The following F5 variants were observed in gnomAD, a reference collection of about 807,000 sequenced individuals.
The protein encoded by F5 is activated protein c cofactor.
F5 carries 138 observed loss-of-function variants against 216.4 expected under a neutral mutation model. The ratio of observed to expected loss-of-function variants is 0.64; its 90% confidence interval spans 0.56 to 0.73. The LOEUF (loss-of-function observed/expected upper bound fraction) is 0.73. F5 is among the 30% of genes least tolerant of loss of function. The probability of loss-of-function intolerance (pLI) is 0.00; values close to 1 mark genes in which losing one functional copy is unlikely to be tolerated. For missense variants in F5, 2,403 were observed against 2,674.0 expected, an observed-to-expected ratio of 0.90 and a Z score of 2.24; for synonymous variants, 916 against 930.7, an observed-to-expected ratio of 0.98 and a Z score of 0.29.
intron 2 of F5, among the ~76,000 whole-genome samples, chr1:169,577,578 T>TATATATATAC (rs1557933701): frequency 9.5e-6 from 1 of 105,386 alleles, no homozygotes; most frequent in African/African-American, 4.2e-5. Flanking sequence ...TATATATATA[T>TATATATATAC]ATATATATAT....
Position 169,520,626 on chromosome 1 carries a change from C to A in F5, c.6087G>T (p.Glu2029Asp), listed in dbSNP as rs549481773. Residue 2029 changes from glutamate (E) to aspartate (D), a missense_variant, in exon 22 of 25, where the codon GAG becomes GAT. By Grantham distance (45) the Glu-to-Asp change is conservative. Around this residue, in one of 4 missense-constraint regions of F5, gnomAD observed 659 missense variants for 787.9 expected, o/e 0.84. Transcript: ENST00000367797. ...CCACAATAGGTGGGTCAAACTGATT[C>A]TCTTTTATTGTAGAGGCATCTGAAT... ...NGNSDASTIK[E>D]NQFDPPIVAR... is the part of the protein sequence containing the mutation. The A allele has an allele frequency of 8.7e-6, 14 of 1,613,860 alleles. 1 individual carries two copies. The South Asian group carries it at 9.9e-5, about 11-fold the overall frequency.
chr1:169,529,140 G>A (rs1344828414), intron 16 of F5, among the ~76,000 whole-genome samples: 1 of 152,026 alleles, frequency 6.6e-6, no homozygotes, highest in Non-Finnish European at 1.5e-5. Context: ...ATCTCATTTT[G>A]TTCTCATATG....
intron 24 of F5, among the ~76,000 whole-genome samples, chr1:169,515,014 C>T (rs1296185750): frequency 6.6e-6 from 1 of 152,100 alleles, no homozygotes. Context: ...AACGTAAGTG[C>T]ATAGTAAGTG....
chr1:169,562,302 G>C (rs1364361544), intron 3 of F5, among the ~76,000 whole-genome samples: 2 of 152,006 alleles, frequency 1.3e-5, no homozygotes, highest in African/African-American at 4.8e-5. Context: ...TTTTGTGTTG[G>C]ATTAGTGTTA....
intron 3 of F5, among the ~76,000 whole-genome samples, chr1:169,567,432 G>A (rs908771753): frequency 6.6e-6 from 1 of 151,874 alleles, no homozygotes; most frequent in Admixed American, 6.6e-5. Context: ...TCACACTGGA[G>A]GTTAGATTTC....
At chr1:169,560,437 T>C (rs780776901) in intron 4 of F5, 117 bp downstream of exon 4, 32 of 934,062 alleles carry the variant, frequency 3.4e-5, no homozygotes, top group Admixed American at 1.2e-4. Context: ...CTCCGTGCCG[T>C]CTTCCTCTGC....
intron 2 of F5, among the ~76,000 whole-genome samples, chr1:169,579,922 A>T (rs1660951823): frequency 6.6e-6 from 1 of 152,046 alleles, no homozygotes; most frequent in Non-Finnish European, 1.5e-5. Flanking sequence ...ATTCCTCTCA[A>T]TATAAAGCCT....
Position 169,540,352 on chromosome 1 carries a change from T to C in F5, c.4738A>G (p.Arg1580Gly). ...WYLRSNNGNRRNYYIAAEEIS... is the reference protein window; with the variant it reads ...WYLRSNNGNRGNYYIAAEEIS... Reference sequence around the variant, plus strand: ...TCTTCAGCAGCAATGTAATAATTTCTTCTGTTTCCATTGTTGCTGCGGAGG... The same window carrying C: ...TCTTCAGCAGCAATGTAATAATTTCCTCTGTTTCCATTGTTGCTGCGGAGG... The change falls in exon 13 of 25, where the codon AGA becomes GGA. Residue 1580 changes from arginine to glycine, a missense_variant. This residue lies in a region of F5 where 659 missense variants were observed against 787.9 expected (regional missense o/e 0.84). Transcript: ENST00000367797. 1 of 1,614,010 alleles carries C rather than the reference T, an allele frequency of 6.2e-7. No individual in the cohort carries two copies.
chr1:169,550,544 G>A, intron 9 of F5, 96 bp downstream of exon 9: 1 of 869,150 alleles, frequency 1.2e-6, no homozygotes, highest in Non-Finnish European at 2.0e-6. Flanking sequence ...CTACCTGACT[G>A]CAGTAGTGAC....
chr1:169,563,160 G>A (rs903653194), intron 3 of F5, among the ~76,000 whole-genome samples: 1 of 152,044 alleles, frequency 6.6e-6, no homozygotes, highest in Admixed American at 6.6e-5. Context: ...GTCTTCTGGT[G>A]TGCATAGTTT....
rs1659865127 is a variant in F5 at position 169,541,986 on chromosome 1, T to G, written c.3104A>C (p.Glu1035Ala). 4 of 1,614,078 alleles carry G rather than the reference T, an allele frequency of 2.5e-6. No individual in the cohort carries two copies. The highest frequency in any genetic ancestry group is 3.4e-6 in the Non-Finnish European group (4 of 1,179,988). ...FLIKTRKKKK[E>A]KHTHHAPLSP... is the part of the protein sequence containing the mutation. ...TAAAGGAGCATGGTGTGTGTGCTTC[T>G]CTTTTTTCTTTTTTCGTGTCTTAAT... is the stretch of plus-strand genomic sequence containing the variant. Residue 1035 changes from glutamate (E) to alanine (A), a missense_variant, in exon 13 of 25, where the codon GAG becomes GCG. By Grantham distance (107) the Glu-to-Ala change is moderately radical. This residue lies in a region of F5 where 1,425 missense variants were observed against 1,554.8 expected (regional missense o/e 0.92). Transcript: ENST00000367797.
intron 21 of F5, among the ~76,000 whole-genome samples, chr1:169,521,831 G>A (rs1199368698): frequency 4.0e-5 from 6 of 151,814 alleles, no homozygotes. Context: ...ATGTTGGTCA[G>A]GATGGTCTTG....
rs374687606 is a variant in F5, at chr1:169,541,258, G to C, written c.3832C>G (p.Pro1278Ala). ...GAAAGGGTTGTATGGCTGAGGTCTG[G>C]AGAAAGGGGCATCTGACCGAGGGCT... ...SPALGQMPLSPDLSHTTLSLD... is the reference protein window; with the variant it reads ...SPALGQMPLSADLSHTTLSLD... Residue 1278 changes from proline (P) to alanine (A), a missense_variant, in exon 13 of 25, where the codon CCA (proline) becomes GCA (alanine). Pro to Ala is a conservative substitution (Grantham distance 27, BLOSUM62 -1). Around this residue, in one of 4 missense-constraint regions of F5, gnomAD observed 1,425 missense variants for 1,554.8 expected, o/e 0.92. Transcript: ENST00000367797. 5.8e-6 allele frequency: 9 copies of C among 1,541,236 alleles called. No individual in the cohort carries two copies. In the African/African-American group the frequency reaches 1.1e-4, roughly 19 times the overall value.
chr1:169,530,666 T>C (rs1043953682), intron 15 of F5, 120 bp downstream of exon 15: 8 of 879,810 alleles, frequency 9.1e-6, no homozygotes, highest in Non-Finnish European at 1.3e-5. Context: ...CACACCCTTA[T>C]GCATTCCTCA....
chr1:169,566,750 A>T (rs1660610793), intron 3 of F5, among the ~76,000 whole-genome samples: 1 of 151,936 alleles, frequency 6.6e-6, no homozygotes, highest in Non-Finnish European at 1.5e-5. Flanking sequence ...ATCCTTTTTG[A>T]TGGGTTATGA....
chr1:169,526,891 G>A (rs1338283902), intron 17 of F5, among the ~76,000 whole-genome samples: 1 of 150,786 alleles, frequency 6.6e-6, no homozygotes, highest in Non-Finnish European at 1.5e-5. Context: ...TAATTAATAT[G>A]ATATTAATAT....
chr1:169,518,679 C>G lies in F5; in HGVS notation c.6194-116G>C, dbSNP rs996423716. 1.1e-5 allele frequency: 12 copies of G among 1,140,240 alleles called. 1 individual carries two copies. In the African/African-American group the frequency reaches 1.8e-4, roughly 17 times the overall value. The allele number at this position is 1,140,240 out of a possible 1,614,324, so 70.6% of individuals were successfully genotyped here. On this transcript the variant is annotated intron_variant, in intron 22 of 24. Transcript: ENST00000367797. ...ACCAACAAATGACAAAAACAATAAC[C>G]ACAACAATGAAGATTTATTGAATCC... is the stretch of plus-strand genomic sequence containing the variant.
Position 169,513,270 on chromosome 1 carries a change from A to T in F5, c.*1043T>A, listed in dbSNP as rs991084730. 2.0e-5 allele frequency among the ~76,000 whole-genome samples: 3 copies of T among 152,032 alleles called. No individual in the cohort carries two copies. Among genetic ancestry groups the T allele is most frequent in the Non-Finnish European group, 4.4e-5 (3 of 67,970 alleles). On this transcript the variant is annotated 3_prime_UTR_variant, in exon 25 of 25. Transcript: ENST00000367797. ...ATAAATTTTTTTTGGTTGCTCTTTT[A>T]ACACTAAGTTTTGGGGTGGTTTATT...
chr1:169,518,472 G>A lies in F5; in HGVS notation c.6285C>T (p.Tyr2095=), dbSNP rs747170145. The A allele has an allele frequency of 3.1e-6, 5 of 1,613,700 alleles. No individual in the cohort carries two copies. In the African/African-American group the frequency reaches 6.7e-5, roughly 22 times the overall value. ...TCAGACGGGCACGGAAGGGTTCCCA[G>A]TAATCTCCCCACCAAGATTTCTTAA... is the stretch of plus-strand genomic sequence containing the variant. ...SSFKKSWWGD[Y]WEPFRARLNA... The change falls in exon 23 of 25, where the codon TAC becomes TAT. Residue 2095 remains tyrosine (Y), a synonymous_variant. Transcript: ENST00000367797.
Sources: gnomAD v4.1 joint callset for allele counts (sites outside exome capture counted in the v4.1 genomes callset) on GRCh38, gnomAD v4.1.1 for gene constraint, gnomAD v4.1.1 regional missense constraint, MANE v1.5 for transcripts, NCBI Gene and HGNC (gene_info 2026-07-23, HGNC 2026-07-21) for gene names.